KIAA1143: variants seen among roughly 807,000 people sequenced by gnomAD.
KIAA1143 encodes the protein uncharacterized protein KIAA1143.
In KIAA1143, 8 loss-of-function variants were observed where a neutral mutation model predicts 17.0. The ratio of observed to expected loss-of-function variants is 0.47; its 90% confidence interval spans 0.28 to 0.85. The LOEUF is 0.85. KIAA1143 is among the 40% of genes least tolerant of loss of function. The pLI, the probability that KIAA1143 is intolerant of heterozygous loss-of-function variation, is 0.12. For missense variants in KIAA1143, 162 were observed against 183.3 expected (o/e 0.88, Z 0.67); for synonymous variants, 64 against 67.8 (o/e 0.94, Z 0.27).
In KIAA1143 at chr3:44,761,513, T is replaced by C. The variant is rs555011214; in HGVS notation, c.90A>G (p.Gly30=). Residue 30 remains glycine (G), a synonymous_variant, in exon 1 of 3, where the codon GGA becomes GGG. Transcript: ENST00000296121. ...RFKERVGYRE[G]PTVETKRIQP... ...GGCTCACCTTAGTCTCTACGGTGGG[T>C]CCCTCCCTGTAGCCGACCCGTTCCT... The C allele has an allele frequency of 1.2e-6, 2 of 1,613,156 alleles. No individual in the cohort carries two copies. Among genetic ancestry groups the C allele is most frequent in the African/African-American group, 1.3e-5 (1 of 74,898 alleles).
chr3:44,756,276 T>C (rs968349310), intron 1 of KIAA1143, among the ~76,000 whole-genome samples: 1 of 152,172 alleles, frequency 6.6e-6, no homozygotes, highest in Non-Finnish European at 1.5e-5. Flanking sequence ...AGAAAGTGAA[T>C]AGGGCCAGGC....
intron 1 of KIAA1143, among the ~76,000 whole-genome samples, chr3:44,757,677 T>C (rs1022450267): frequency 3.3e-5 from 5 of 152,140 alleles, no homozygotes; most frequent in Admixed American, 2.6e-4. Context: ...AGATAAGATA[T>C]GGATAAGGTA....
chr3:44,759,435 C>T (rs113803697), intron 1 of KIAA1143, among the ~76,000 whole-genome samples: 49 of 152,200 alleles, frequency 3.2e-4, no homozygotes, highest in African/African-American at 1.2e-3. Context: ...TTTGTTTTTC[C>T]ATTTCTAGAG....
rs377250999 is a variant in KIAA1143, at chr3:44,753,532, C to A, written c.274G>T (p.Asp92Tyr). The change falls in exon 3 of 3, where the codon GAT becomes TAT. Residue 92 changes from aspartate (D) to tyrosine (Y), a missense_variant. Physicochemically the swap from Asp to Tyr is radical, Grantham distance 160. This residue lies in a region of KIAA1143 where 137 missense variants were observed against 132.5 expected (regional missense o/e 1.03). Coordinates refer to ENST00000296121, the MANE Select transcript of KIAA1143 (RefSeq NM_020696.4). ...GGTTTTCGATATATGATTCTTCCAT[C>A]GGCTGGAGTTGGTTCTTCATCTGAG... The part of the protein sequence containing the change: ...AKADEEPTPA[D>Y]GRIIYRKPVK... 1.2e-6 allele frequency: 2 copies of A among 1,610,906 alleles called. No individual in the cohort carries two copies. Among genetic ancestry groups the A allele is most frequent in the South Asian group, 1.1e-5 (1 of 90,754 alleles).
chr3:44,761,416 C>A, intron 1 of KIAA1143, 79 bp downstream of exon 1: 1 of 1,123,672 alleles, frequency 8.9e-7, no homozygotes, highest in Non-Finnish European at 1.3e-6. Flanking sequence ...CCGACAGCAC[C>A]CACCCTCCAA....
chr3:44,759,848 T>C (rs966640278), intron 1 of KIAA1143, among the ~76,000 whole-genome samples: 4 of 138,564 alleles, frequency 2.9e-5, no homozygotes, highest in Admixed American at 1.6e-4. Flanking sequence ...TGAGCTGTGA[T>C]TGCACCACTG....
intron 1 of KIAA1143, 138 bp downstream of exon 1, chr3:44,761,357 G>GA: frequency 1.6e-6 from 1 of 642,332 alleles, no homozygotes; most frequent in South Asian, 1.9e-5. Flanking sequence ...CCAGCCTGGG[G>GA]GTCCGAGTTC....
rs538950658 is a variant in KIAA1143, at chr3:44,749,558, A to G, written c.*3783T>C. ...ATTGTTAGGATTAAGCAGGGTCTTG[A>G]GGAATCACCTCTAAAGGCTCAGACT... On this transcript the variant is annotated 3_prime_UTR_variant, in exon 3 of 3. Transcript: ENST00000296121. 271 of 152,316 alleles carry G rather than the reference A, an allele frequency of 1.8e-3. 2 individuals are homozygous for G. Among genetic ancestry groups the G allele is most frequent in the African/African-American group, 6.4e-3 (265 of 41,582 alleles). The allele number at this position is 152,316 out of a possible 1,614,324, so 9.4% of individuals were successfully genotyped here.
In KIAA1143 at chr3:44,751,325, A is replaced by G. The variant is rs1469008264; in HGVS notation, c.*2016T>C. 1.3e-5 allele frequency: 2 copies of G among 152,206 alleles called. No homozygotes were observed. The highest frequency in any genetic ancestry group is 4.8e-5 in the African/African-American group (2 of 41,434). The allele number at this position is 152,206 out of a possible 1,614,324, so 9.4% of individuals were successfully genotyped here. On this transcript the variant is annotated 3_prime_UTR_variant, in exon 3 of 3. Transcript: ENST00000296121. ...AACGGCTAGGAATAACAGCAGAGGT[A>G]GGAATGGGAGTTAGCGGGATTGCAA...
At chr3:44,753,998 C>T (rs1704928918) in intron 2 of KIAA1143, among the ~76,000 whole-genome samples, 1 of 151,844 alleles carries the variant, frequency 6.6e-6, no homozygotes, top group Non-Finnish European at 1.5e-5. Context: ...CACACTTAAT[C>T]CTGGTAACAA....
Position 44,753,502 on chromosome 3 carries a change from T to C in KIAA1143, c.304A>G (p.Lys102Glu), listed in dbSNP as rs752082166. 6 of 1,612,518 alleles carry C rather than the reference T, an allele frequency of 3.7e-6. No homozygotes were observed. Among genetic ancestry groups the C allele is most frequent in the Non-Finnish European group, 5.1e-6 (6 of 1,178,824 alleles). ...GAATATTTTTCATCTGAGGGATGCT[T>C]GACTGGTTTTCGATATATGATTCTT... ...DGRIIYRKPV[K>E]HPSDEKYSGL... The change falls in exon 3 of 3, where the codon AAG (lysine) becomes GAG (glutamate). Residue 102 changes from lysine (K) to glutamate (E), a missense_variant. Lys to Glu is a moderately conservative substitution (Grantham distance 56, BLOSUM62 1). Around this residue, in one of 2 missense-constraint regions of KIAA1143, gnomAD observed 137 missense variants for 132.5 expected, o/e 1.03. Coordinates refer to ENST00000296121, the MANE Select transcript of KIAA1143 (RefSeq NM_020696.4).
chr3:44,759,916 G>C (rs1315768367), intron 1 of KIAA1143, among the ~76,000 whole-genome samples: 1 of 57,068 alleles, frequency 1.8e-5, no homozygotes, highest in Non-Finnish European at 3.6e-5. Flanking sequence ...AAAAAAAAAA[G>C]TCCTAGATGG....
intron 1 of KIAA1143, among the ~76,000 whole-genome samples, chr3:44,755,527 ACT>A (rs1704956455): frequency 6.6e-6 from 1 of 152,020 alleles, no homozygotes; most frequent in Non-Finnish European, 1.5e-5. Flanking sequence ...TGGCATCTAG[ACT>A]CTGGCATGGC....
In KIAA1143 at chr3:44,751,811, G is replaced by A. The variant is rs1476456861; in HGVS notation, c.*1530C>T. On this transcript the variant is annotated 3_prime_UTR_variant, in exon 3 of 3. Transcript: ENST00000296121. Reference sequence around the variant, plus strand: ...AGATTTCTAGCCAGTTTCAGGAGAAGACACCACCGGCCATCAAGAAGCTAC... The same window carrying A: ...AGATTTCTAGCCAGTTTCAGGAGAAAACACCACCGGCCATCAAGAAGCTAC... 6.6e-6 allele frequency: 1 copy of A among 152,162 alleles called. No individual in the cohort carries two copies. The highest frequency in any genetic ancestry group is 2.4e-5 in the African/African-American group (1 of 41,424). 9.4% of individuals were successfully genotyped at this position (152,162 alleles called of 1,614,324 possible).
chr3:44,749,597 C>T lies in KIAA1143; in HGVS notation c.*3744G>A, dbSNP rs1704866433. ...AAGGCTCAGACTTTAAAGTGCTTCCCCTCCCTTCCCTACCCCAACATTTGG... is the reference window on the plus strand; with the variant it reads ...AAGGCTCAGACTTTAAAGTGCTTCCTCTCCCTTCCCTACCCCAACATTTGG... On this transcript the variant is annotated 3_prime_UTR_variant, in exon 3 of 3. Transcript: ENST00000296121. 1 of 151,938 alleles carries T rather than the reference C, an allele frequency of 6.6e-6. No individual in the cohort carries two copies. Among genetic ancestry groups the T allele is most frequent in the Non-Finnish European group, 1.5e-5 (1 of 68,000 alleles). The allele number at this position is 151,938 out of a possible 1,614,324, so 9.4% of individuals were successfully genotyped here.
chr3:44,761,029 G>C (rs1486324952), intron 1 of KIAA1143, among the ~76,000 whole-genome samples: 1 of 152,112 alleles, frequency 6.6e-6, no homozygotes, highest in Non-Finnish European at 1.5e-5. Flanking sequence ...AATTAACAAA[G>C]CATAGAAACA....
At chr3:44,754,533 G>A (rs1354415791) in intron 1 of KIAA1143, among the ~76,000 whole-genome samples, 165 bp from the exon 2 acceptor site, 2 of 152,198 alleles carry the variant, frequency 1.3e-5, no homozygotes, top group Admixed American at 1.3e-4. Flanking sequence ...TGCCACACAA[G>A]GGAACAGGTT....
chr3:44,760,965 T>G (rs1296984959), intron 1 of KIAA1143, among the ~76,000 whole-genome samples: 2 of 152,256 alleles, frequency 1.3e-5, no homozygotes, highest in Non-Finnish European at 2.9e-5. Context: ...GTACTGGGAT[T>G]ACAGGCGTGA....
rs1243407905 is a variant in KIAA1143, at chr3:44,753,334, T to A, written c.*7A>T. The A allele has an allele frequency of 6.3e-7, 1 of 1,585,682 alleles. No individual in the cohort carries two copies. The highest frequency in any genetic ancestry group is 8.7e-7 in the Non-Finnish European group (1 of 1,155,328). On this transcript the variant is annotated 3_prime_UTR_variant, in exon 3 of 3. Coordinates refer to ENST00000296121, the MANE Select transcript of KIAA1143 (RefSeq NM_020696.4). ...TTCAAAGTAGACTAAATTCAAAATA[T>A]TTACACTTACTCATTTTCATCTTCG... is the stretch of plus-strand genomic sequence containing the variant.
Sources: allele counts gnomAD v4.1 joint callset (sites outside exome capture counted in the v4.1 genomes callset), GRCh38; gene constraint gnomAD v4.1.1; regional missense constraint gnomAD v4.1.1; transcripts MANE v1.5; gene names NCBI Gene and HGNC (gene_info 2026-07-23, HGNC 2026-07-21).